Variants in SYT1 observed in about 807,000 individuals in gnomAD.
SYT1 encodes synaptotagmin-1.
SYT1 carries 8 observed loss-of-function variants against 44.8 expected under a neutral mutation model. The observed-to-expected ratio is 0.18, with a 90% CI of 0.10 to 0.32. The LOEUF (loss-of-function observed/expected upper bound fraction) is 0.32. Ranked by LOEUF, SYT1 falls within the 10% of genes least tolerant of loss-of-function variation. SYT1 has a pLI of 1.00. For missense variants in SYT1, 286 were observed against 509.3 expected (o/e 0.56, Z 4.22); for synonymous variants, 154 against 188.8 (o/e 0.82, Z 1.51).
At chr12:79,142,017 A>G (rs747659191) in intron 3 of SYT1, among the ~76,000 whole-genome samples, 1 of 152,212 alleles carries the variant, frequency 6.6e-6, no homozygotes, top group Non-Finnish European at 1.5e-5. Flanking sequence ...AATGTGCTTG[A>G]GTAGCTTGTT....
chr12:79,095,253 T>G (rs1878047802), intron 3 of SYT1, among the ~76,000 whole-genome samples: 1 of 152,036 alleles, frequency 6.6e-6, no homozygotes, highest in South Asian at 2.1e-4. Context: ...ATTTATCTCC[T>G]GAGCTAAAGA....
At chr12:79,314,123 C>G (rs543348607) in intron 8 of SYT1, among the ~76,000 whole-genome samples, 1 of 137,952 alleles carries the variant, frequency 7.2e-6, no homozygotes, top group Non-Finnish European at 1.5e-5. Flanking sequence ...GAGCCGAGAT[C>G]GCGCCACTGC....
chr12:79,018,266 T>C (rs1432820382), intron 2 of SYT1, among the ~76,000 whole-genome samples: 1 of 149,518 alleles, frequency 6.7e-6, no homozygotes, highest in African/African-American at 2.5e-5. Context: ...ACACCACATG[T>C]TCTCACTCAT....
At chr12:79,074,417 T>C (rs1354860203) in intron 3 of SYT1, among the ~76,000 whole-genome samples, 1 of 152,164 alleles carries the variant, frequency 6.6e-6, no homozygotes. Context: ...TCTGCCTCCA[T>C]CTTTGTGCCT....
At chr12:79,314,751 C>CA (rs933115385) in intron 8 of SYT1, among the ~76,000 whole-genome samples, 106 of 151,516 alleles carry the variant, frequency 7.0e-4, no homozygotes, top group African/African-American at 2.5e-3. Flanking sequence ...GTATACACAC[C>CA]AAAAAAAATG....
At chr12:79,212,302 G>T (rs1477046277) in intron 3 of SYT1, among the ~76,000 whole-genome samples, 1 of 152,112 alleles carries the variant, frequency 6.6e-6, no homozygotes, top group Non-Finnish European at 1.5e-5. Context: ...ATAAGTGGGA[G>T]TTGAACAATG....
intron 2 of SYT1, among the ~76,000 whole-genome samples, chr12:79,008,701 A>G (rs1421272370): frequency 6.6e-6 from 1 of 152,144 alleles, no homozygotes; most frequent in Non-Finnish European, 1.5e-5. Context: ...TCCTGGAATC[A>G]GCAGTATGTT....
intron 8 of SYT1, among the ~76,000 whole-genome samples, chr12:79,320,581 GC>G (rs1377503123): frequency 3.3e-5 from 5 of 151,056 alleles, no homozygotes; most frequent in African/African-American, 1.2e-4. Context: ...ATCAGCTGGT[GC>G]TATGGCTCTG....
intron 3 of SYT1, among the ~76,000 whole-genome samples, chr12:79,087,198 G>C (rs1877440047): frequency 6.6e-6 from 1 of 152,078 alleles, no homozygotes; most frequent in Non-Finnish European, 1.5e-5. Flanking sequence ...TCCAAAATTT[G>C]TAATAGTCAT....
intron 3 of SYT1, among the ~76,000 whole-genome samples, chr12:79,206,299 T>C (rs917027185): frequency 1.3e-5 from 2 of 152,218 alleles, no homozygotes; most frequent in African/African-American, 4.8e-5. Flanking sequence ...TGCTTGACTC[T>C]CATTCTGCTA....
chr12:78,936,198 G>A (rs2137231135), intron 1 of SYT1, among the ~76,000 whole-genome samples: 1 of 151,474 alleles, frequency 6.6e-6, no homozygotes, highest in South Asian at 2.1e-4. Context: ...TGTAGGAAAG[G>A]TTAACCGATG....
chr12:79,156,870 G>T (rs1028173578), intron 3 of SYT1, among the ~76,000 whole-genome samples: 1 of 152,088 alleles, frequency 6.6e-6, no homozygotes, highest in Non-Finnish European at 1.5e-5. Context: ...CTCAGAGAAG[G>T]GTCCTACTTG....
intron 9 of SYT1, among the ~76,000 whole-genome samples, chr12:79,423,514 CACAT>C (rs1466396900): frequency 6.6e-6 from 1 of 152,082 alleles, no homozygotes; most frequent in East Asian, 1.9e-4. Context: ...TAGACAAACA[CACAT>C]ACACACAACA....
At chr12:79,306,940 G>A (rs969307370) in intron 8 of SYT1, among the ~76,000 whole-genome samples, 8 of 152,238 alleles carry the variant, frequency 5.3e-5, no homozygotes, top group African/African-American at 1.9e-4. Flanking sequence ...GGGAAGCAAT[G>A]TGAGCAACAC....
intron 2 of SYT1, among the ~76,000 whole-genome samples, chr12:79,035,665 CT>C (rs1873083190): frequency 6.6e-6 from 1 of 151,702 alleles, no homozygotes; most frequent in Middle Eastern, 3.4e-3. Flanking sequence ...TGCCAGCTTC[CT>C]TATAGGAATA....
chr12:79,437,581 C>T (rs571844135), intron 9 of SYT1, among the ~76,000 whole-genome samples: 55 of 152,292 alleles, frequency 3.6e-4, no homozygotes, highest in African/African-American at 1.2e-3. Flanking sequence ...TTCTGCAAAG[C>T]TTGCCCATTG....
intron 4 of SYT1, among the ~76,000 whole-genome samples, chr12:79,234,688 TTTTCTTTC>T (rs201888619): frequency 8.2e-6 from 1 of 121,334 alleles, no homozygotes; most frequent in African/African-American, 3.1e-5. Context: ...GTTTGGGGCT[TTTTCTTTC>T]TTTCTTTCTT....
intron 9 of SYT1, among the ~76,000 whole-genome samples, chr12:79,380,929 C>T (rs1306570166): frequency 6.6e-6 from 1 of 152,090 alleles, no homozygotes; most frequent in South Asian, 2.1e-4. Context: ...AACCTGTGTC[C>T]TAGTGTGCAA....
At position 79,066,534 on chromosome 12, in the gene SYT1, T is replaced by G. The variant is rs182643283; in HGVS notation, c.-18+19172T>G. On this transcript the variant is annotated intron_variant, in intron 3 of 10. Coordinates refer to ENST00000261205, the MANE Select transcript of SYT1 (RefSeq NM_005639.3). ...GTGACATGGAGGCCATATCATCATC[T>G]GGGGAGAGAGAGCAGAGTCAGTGAG... is the stretch of plus-strand genomic sequence containing the variant. 1.4e-4 allele frequency among the ~76,000 whole-genome samples: 21 copies of G among 151,284 alleles called. No homozygotes were observed. The East Asian group carries it at 3.9e-3, about 28-fold the overall frequency.
Sources: allele counts gnomAD v4.1 joint callset (sites outside exome capture counted in the v4.1 genomes callset), GRCh38; gene constraint gnomAD v4.1.1; transcripts MANE v1.5; gene names NCBI Gene and HGNC (gene_info 2026-07-23, HGNC 2026-07-21).